The following CLDN2 variants were observed in gnomAD, a reference collection of about 807,000 sequenced individuals.
The protein encoded by CLDN2 is claudin 2, also known as claudin-2.
A neutral mutation model predicts 8.2 loss-of-function variants in CLDN2; 1 was observed. That is an observed-to-expected ratio of 0.12 (90% CI 0.04 to 0.58). The LOEUF is 0.58. CLDN2 is among the 20% of genes least tolerant of loss of function. CLDN2 has a pLI of 0.90. For missense variants in CLDN2, 108 were observed against 172.9 expected (o/e 0.62, Z 2.11); for synonymous variants, 70 against 70.2 (o/e 1.00, Z 0.01).
At chrX:106,909,023 G>A (rs181628854) in intron 1 of CLDN2, among the ~76,000 whole-genome samples, 265 of 111,804 alleles carry the variant, frequency 2.4e-3, no homozygotes, top group Non-Finnish European at 4.5e-3. Flanking sequence ...ACTGGATACT[G>A]CCCAAAGATT....
At chrX:106,901,034 G>A (rs1933084921) in intron 1 of CLDN2, 2 of 1,048,064 alleles carry the variant, frequency 1.9e-6, no homozygotes, top group Non-Finnish European at 2.5e-6. Context: ...AGAGGGAAAG[G>A]AAGAAAGAAA....
chrX:106,905,097 G>C (rs1219262742), intron 1 of CLDN2, among the ~76,000 whole-genome samples: 1 of 112,520 alleles, frequency 8.9e-6, no homozygotes, highest in Non-Finnish European at 1.9e-5. Context: ...AGGAACGAAA[G>C]CTGGGGGAAA....
At chrX:106,913,121 A>G (rs150352493) in intron 1 of CLDN2, among the ~76,000 whole-genome samples, 1 of 109,979 alleles carries the variant, frequency 9.1e-6, no homozygotes, top group Non-Finnish European at 1.9e-5. Context: ...TTGAGACAGA[A>G]TCTCACTCTG....
chrX:106,921,364 G>A (rs1423875059), intron 1 of CLDN2, among the ~76,000 whole-genome samples: 18 of 112,554 alleles, frequency 1.6e-4, no homozygotes, highest in Non-Finnish European at 1.9e-5. Context: ...AGAAAGTAGG[G>A]CCTCAAGGGA....
chrX:106,923,963 A>G (rs1293722518), intron 1 of CLDN2, among the ~76,000 whole-genome samples: 3 of 111,760 alleles, frequency 2.7e-5, no homozygotes, highest in Non-Finnish European at 5.6e-5. Context: ...AGAGGAACTT[A>G]TAAGGGAAAA....
At chrX:106,927,960 A>C in intron 1 of CLDN2, 91 bp from the exon 2 acceptor site, 1 of 277,038 alleles carries the variant, frequency 3.6e-6, no homozygotes, top group Non-Finnish European at 6.3e-6. Context: ...TGTTATTTCT[A>C]AAGATAACAA....
intron 1 of CLDN2, chrX:106,902,291 C>T (rs1402339664): frequency 2.2e-6 from 2 of 909,946 alleles, no homozygotes; most frequent in Non-Finnish European, 3.1e-6. Flanking sequence ...AAGAGACCTC[C>T]CAAAAGCTTG....
At chrX:106,908,000 C>T (rs914023033) in intron 1 of CLDN2, among the ~76,000 whole-genome samples, 5 of 111,283 alleles carry the variant, frequency 4.5e-5, no homozygotes, top group Admixed American at 9.6e-5. Flanking sequence ...GTTTTCTTGC[C>T]GGACAAATCT....
chrX:106,913,603 C>A (rs1204331621), upstream of CLDN2, among the ~76,000 whole-genome samples: 5 of 112,224 alleles, frequency 4.5e-5, no homozygotes, highest in Non-Finnish European at 7.5e-5. Flanking sequence ...GCCCATTTAT[C>A]ATCTCGCAGT....
chrX:106,904,144 C>A (rs1415783324), intron 1 of CLDN2, among the ~76,000 whole-genome samples: 1 of 112,164 alleles, frequency 8.9e-6, no homozygotes, highest in African/African-American at 3.2e-5. Context: ...GGCCTCAGTT[C>A]CCTCATGTAA....
At chrX:106,922,739 A>G (rs1395323889) in intron 1 of CLDN2, among the ~76,000 whole-genome samples, 1 of 111,998 alleles carries the variant, frequency 8.9e-6, no homozygotes, top group Non-Finnish European at 1.9e-5. Flanking sequence ...GGTGGATGGT[A>G]GAATAGCATG....
At chrX:106,904,623 A>G (rs1013551581) in intron 1 of CLDN2, among the ~76,000 whole-genome samples, 6 of 111,983 alleles carry the variant, frequency 5.4e-5, no homozygotes, top group Non-Finnish European at 9.4e-5. Flanking sequence ...AGGGCTCCTC[A>G]TTTCTCTGTT....
chrX:106,926,351 G>C (rs1335756548), intron 1 of CLDN2, among the ~76,000 whole-genome samples: 1 of 111,559 alleles, frequency 9.0e-6, no homozygotes, highest in Non-Finnish European at 1.9e-5. Flanking sequence ...TGCCAGTCTT[G>C]AAGCTCAGAA....
chrX:106,914,443 C>T (rs986049996), upstream of CLDN2, among the ~76,000 whole-genome samples: 2 of 110,991 alleles, frequency 1.8e-5, no homozygotes, highest in African/African-American at 6.6e-5. Flanking sequence ...TATTAAATAC[C>T]CCCCTTCTCT....
chrX:106,902,964 G>A (rs1321351108), intron 1 of CLDN2, among the ~76,000 whole-genome samples: 3 of 112,480 alleles, frequency 2.7e-5, no homozygotes, highest in Non-Finnish European at 3.8e-5. Context: ...GGATTAGTGA[G>A]GTGAAAAGTC....
At chrX:106,915,526 C>T (rs1054077066), upstream of CLDN2, among the ~76,000 whole-genome samples, 2 of 112,261 alleles carry the variant, frequency 1.8e-5, no homozygotes, top group Non-Finnish European at 3.8e-5. Context: ...AGAATAAGTC[C>T]GGAATTACAA....
intron 1 of CLDN2, chrX:106,903,252 AG>A: frequency 8.3e-7 from 1 of 1,208,950 alleles, no homozygotes; most frequent in Non-Finnish European, 1.1e-6. Flanking sequence ...GGGCTGGAAC[AG>A]GGGTGGCAGC....
At chrX:106,918,496 G>C (rs1190858649), upstream of CLDN2, 1 of 112,399 alleles carries the variant, frequency 8.9e-6, no homozygotes, top group African/African-American at 3.2e-5. Context: ...TTGGGAAGGA[G>C]GATGATTTCT....
At chrX:106,904,092 C>G (rs1171972976) in intron 1 of CLDN2, among the ~76,000 whole-genome samples, 1 of 112,483 alleles carries the variant, frequency 8.9e-6, no homozygotes, top group East Asian at 2.8e-4. Flanking sequence ...AGGCAAAGTT[C>G]TGCCCGACTA....
Sources: gnomAD v4.1 joint callset for allele counts (sites outside exome capture counted in the v4.1 genomes callset) on GRCh38, gnomAD v4.1.1 for gene constraint, MANE v1.5 for transcripts, NCBI Gene and HGNC (gene_info 2026-07-23, HGNC 2026-07-21) for gene names.